Variants in TEDC1 observed in about 807,000 individuals in gnomAD.
The protein encoded by TEDC1 is tubulin epsilon and delta complex 1.
In TEDC1, 54 loss-of-function variants were observed where a neutral mutation model predicts 59.9. The ratio of observed to expected loss-of-function variants is 0.90; its 90% CI spans 0.72 to 1.13. TEDC1 has a LOEUF of 1.13. Ranked by LOEUF, TEDC1 falls within the 50% of genes most tolerant of loss-of-function variation. The pLI is 0.00. For synonymous variants in TEDC1, 353 were observed against 298.1 expected, an observed-to-expected ratio of 1.18 and a Z score of -1.90; for missense variants, 734 against 683.4, an observed-to-expected ratio of 1.07 and a Z score of -0.83.
intron 5 of TEDC1, chr14:105,495,045 G>C (rs2084314213): frequency 6.6e-6 from 1 of 152,168 alleles, no homozygotes; most frequent in Non-Finnish European, 1.5e-5. Flanking sequence ...TAATTTTTTT[G>C]TATTTTTAGT....
intron 6 of TEDC1, 53 bp downstream of exon 6, chr14:105,496,139 T>TGGGGG: frequency 3.1e-5 from 1 of 32,264 alleles, no homozygotes; most frequent in Non-Finnish European, 5.1e-5. Context: ...TGGGGGTGGG[T>TGGGGG]GGGAGGGGGT....
At position 105,492,110 on chromosome 14, in the gene TEDC1, T is replaced by C. The variant is rs1555439522; in HGVS notation, c.230T>C (p.Val77Ala). ...GNALASLALE[V>A]QARLVKSALC... ...AGGTGGTGGTCTTCTGTCCTAGAGG[T>C]CCAAGCCCGCTTGGTGAAGTCAGCA... Residue 77 changes from valine (V) to alanine (A), a missense_variant, in exon 3 of 9, where the codon GTC (valine) becomes GCC (alanine). Transcript: ENST00000392523. 13 of 1,600,850 alleles carry C rather than the reference T, an allele frequency of 8.1e-6. No homozygotes were observed. The highest frequency in any genetic ancestry group is 1.1e-5 in the Non-Finnish European group (13 of 1,174,286).
Position 105,497,730 on chromosome 14 carries a change from G to A in TEDC1, c.979-68G>A, listed in dbSNP as rs2084379138. The A allele has an allele frequency of 2.7e-6, 4 of 1,457,856 alleles. No individual in the cohort carries two copies. The South Asian group carries it at 4.3e-5, about 16-fold the overall frequency. The allele number at this position is 1,457,856 out of a possible 1,614,324, so 90.3% of individuals were successfully genotyped here. On this transcript the variant is annotated intron_variant, in intron 7 of 8. Transcript: ENST00000392523. The stretch of plus-strand genomic sequence containing the variant: ...CTGTGGGACCTGGGGGACTACCACT[G>A]CCCTCTTTGCCCTCTGTCCCTCTGT...
chr14:105,497,520 G>A, intron 7 of TEDC1, 77 bp downstream of exon 7: 1 of 1,491,886 alleles, frequency 6.7e-7, no homozygotes, highest in Middle Eastern at 1.7e-4. Flanking sequence ...GGATCTTCCT[G>A]TTTTCCAGAC....
In TEDC1 at chr14:105,499,223, T is replaced by C. The variant is rs941007721; in HGVS notation, c.*277T>C. 7.5e-6 allele frequency: 4 copies of C among 534,924 alleles called. No individual in the cohort carries two copies. The South Asian group carries it at 9.5e-5, about 13-fold the overall frequency. The allele number at this position is 534,924 out of a possible 1,614,324, so 33.1% of individuals were successfully genotyped here. Reference sequence around the variant, plus strand: ...ACTCGGAAATAAATTGTAGCAGCTTTCCTGCCGCTGGCCCTCCCCCTGCCA... The same window carrying C: ...ACTCGGAAATAAATTGTAGCAGCTTCCCTGCCGCTGGCCCTCCCCCTGCCA... On this transcript the variant is annotated 3_prime_UTR_variant, in exon 9 of 9. Coordinates refer to ENST00000392523, the MANE Select transcript of TEDC1 (RefSeq NM_001367178.1).
intron 6 of TEDC1, 37 bp downstream of exon 6, chr14:105,496,123 A>C: frequency 1.2e-5 from 1 of 85,796 alleles, no homozygotes; most frequent in Non-Finnish European, 2.0e-5. Context: ...TGGAGACCGC[A>C]GGACTTGGGG....
In TEDC1 at chr14:105,492,193, C is replaced by T; in HGVS notation, c.313C>T (p.Gln105Ter). The T allele has an allele frequency of 6.2e-7, 1 of 1,612,892 alleles. No homozygotes were observed. The highest frequency in any genetic ancestry group is 8.5e-7 in the Non-Finnish European group (1 of 1,179,894). Residue 105 changes from glutamine (Q) to a stop codon, truncating the protein, a stop_gained, in exon 3 of 9, where the codon CAG (glutamine) becomes TAG (stop). Transcript: ENST00000392523. LOFTEE classifies it high-confidence loss of function. ...ALAQLPEDGSQGSRELLLALS... is the reference protein window; with the variant it reads ...ALAQLPEDGS ...GGCACAACTACCTGAGGATGGCTCGCAGGGCAGTCGGGAGCTGCTGCTGGC... is the reference window on the plus strand; with the variant it reads ...GGCACAACTACCTGAGGATGGCTCGTAGGGCAGTCGGGAGCTGCTGCTGGC...
At chr14:105,497,481 C>A in intron 7 of TEDC1, 38 bp downstream of exon 7, 5 of 1,532,652 alleles carry the variant, frequency 3.3e-6, no homozygotes, top group Non-Finnish European at 3.5e-6. Context: ...GGCATCCCTT[C>A]CCACAGCAGC....
chr14:105,491,785 C>T (rs2084217360), intron 2 of TEDC1, 85 bp downstream of exon 2: 2 of 1,430,288 alleles, frequency 1.4e-6, no homozygotes, highest in Non-Finnish European at 1.9e-6. Context: ...GTAAGCCCCG[C>T]CCCGGCAGGC....
chr14:105,498,264 C>A (rs911094050), intron 8 of TEDC1, among the ~76,000 whole-genome samples: 70 of 152,198 alleles, frequency 4.6e-4, no homozygotes, highest in African/African-American at 1.5e-3. Context: ...GTCCGCCACA[C>A]ATGCATCACA....
intron 1 of TEDC1, 29 bp from the exon 2 acceptor site, chr14:105,491,593 G>A (rs1030554188): frequency 7.1e-6 from 11 of 1,548,566 alleles, no homozygotes; most frequent in South Asian, 2.4e-5. Flanking sequence ...GGCCGGCTCC[G>A]CTGACCGCCC....
Position 105,496,597 on chromosome 14 carries a change from G to T in TEDC1, c.891+511G>T, listed in dbSNP as rs116079069. On this transcript the variant is annotated intron_variant, in intron 6 of 8. Transcript: ENST00000392523. ...CCCAGCAGGGGTCCCCTTGCCCCGG[G>T]CCCAGGGTCACTGGTACAGATAGCC... is the stretch of plus-strand genomic sequence containing the variant. 8.0e-3 allele frequency: 1,372 copies of T among 172,446 alleles called. 23 individuals are homozygous for T. The highest frequency in any genetic ancestry group is 0.031 in the African/African-American group (1,291 of 41,804). 10.7% of individuals were successfully genotyped at this position (172,446 alleles called of 1,614,324 possible).
At chr14:105,491,226 C>T (rs1009266463), upstream of TEDC1, 18 of 1,541,448 alleles carry the variant, frequency 1.2e-5, no homozygotes, top group African/African-American at 2.2e-4. Context: ...CTGGACCCGG[C>T]CCGTGCCATG....
chr14:105,496,563 G>A (rs1323077965), intron 6 of TEDC1: 1 of 180,868 alleles, frequency 5.5e-6, no homozygotes, highest in South Asian at 1.2e-4. Flanking sequence ...CAGGTGTAGA[G>A]GGCCTGTCCC....
At chr14:105,492,810 C>T (rs587668523) in intron 4 of TEDC1, 76 bp downstream of exon 4, 168 of 1,495,066 alleles carry the variant, frequency 1.1e-4, no homozygotes, top group East Asian at 3.2e-4. Flanking sequence ...CCCTGCAGCC[C>T]GTCCCGTGAG....
chr14:105,497,728 C>CTGCCCTCTT, intron 7 of TEDC1, 70 bp from the exon 8 acceptor site: 2 of 1,458,864 alleles, frequency 1.4e-6, no homozygotes, highest in African/African-American at 2.8e-5. Flanking sequence ...GGGACTACCA[C>CTGCCCTCTT]TGCCCTCTTT....
chr14:105,497,890 G>A lies in TEDC1; in HGVS notation c.1071G>A (p.Glu357=). ...GGGTCCCCGAGCGCGGGGGTGGCGA[G>A]TTGGACCTGGTAGTGCGGGAGCTGC... The part of the protein sequence containing the change: ...LPWVPERGGG[E]LDLVVRELQA... Residue 357 remains glutamate (E), a synonymous_variant, in exon 8 of 9, where the codon GAG becomes GAA. Transcript: ENST00000392523. 1 of 1,557,502 alleles carries A rather than the reference G, an allele frequency of 6.4e-7. No individual in the cohort carries two copies. Among genetic ancestry groups the A allele is most frequent in the South Asian group, 1.2e-5 (1 of 84,588 alleles).
Position 105,498,700 on chromosome 14 carries a change from ACAG to A in TEDC1, c.1246_1248del (p.Gln416del), listed in dbSNP as rs587640857. ...CTGTGGAAAAGGAGCTGGGAGCTCT[ACAG>A]CAGTGCTGGGAGCGAGACGGTGGCC... is the stretch of plus-strand genomic sequence containing the variant. On this transcript the variant is annotated inframe_deletion, in exon 9 of 9. Coordinates refer to ENST00000392523, the MANE Select transcript of TEDC1 (RefSeq NM_001367178.1). 602 of 1,553,730 alleles carry A rather than the reference ACAG, an allele frequency of 3.9e-4. 4 individuals carry two copies. In the South Asian group the frequency reaches 4.4e-3, roughly 11 times the overall value.
chr14:105,498,472 A>C, intron 8 of TEDC1, 145 bp from the exon 9 acceptor site: 3 of 916,086 alleles, frequency 3.3e-6, no homozygotes, highest in Non-Finnish European at 4.8e-6. Flanking sequence ...TTCCCCTTAA[A>C]ATTTTCAGTA....
Sources: gnomAD v4.1 joint callset for allele counts (sites outside exome capture counted in the v4.1 genomes callset) on GRCh38, gnomAD v4.1.1 for gene constraint, MANE v1.5 for transcripts, NCBI Gene and HGNC (gene_info 2026-07-23, HGNC 2026-07-21) for gene names.